Variants in RP1 observed in about 807,000 individuals in gnomAD.
The protein encoded by RP1 is oxygen-regulated protein 1.
Under a neutral mutation model 14.8 loss-of-function variants are expected in RP1, and 16 were observed. The ratio of observed to expected loss-of-function variants is 1.08; its 90% CI spans 0.73 to 1.65. The LOEUF (loss-of-function observed/expected upper bound fraction) is 1.65, where lower values mean the gene tolerates loss of function less well. Among genes scored for constraint, RP1 ranks in the 40% most tolerant of loss-of-function variants. The pLI, the probability that RP1 is intolerant of heterozygous loss-of-function variation, is 0.00. For synonymous variants in RP1, 876 were observed against 883.6 expected (o/e 0.99, Z 0.15); for missense variants, 2,631 against 2,535.0 (o/e 1.04, Z -0.81).
intron 24 of RP1, among the ~76,000 whole-genome samples, chr8:54,795,043 C>G (rs1042485430): frequency 6.6e-6 from 1 of 151,884 alleles, no homozygotes; most frequent in Non-Finnish European, 1.5e-5. Context: ...CAATGAGATA[C>G]CACATCTAAC....
chr8:54,844,866 C>T (rs1050398134), intron 25 of RP1, among the ~76,000 whole-genome samples: 6 of 152,074 alleles, frequency 3.9e-5, no homozygotes, highest in Non-Finnish European at 7.4e-5. Context: ...GAATGAATGG[C>T]GCCACTGGGT....
intron 25 of RP1, among the ~76,000 whole-genome samples, chr8:54,842,529 G>A (rs576215840): frequency 6.6e-6 from 1 of 152,206 alleles, no homozygotes; most frequent in Admixed American, 6.5e-5. Flanking sequence ...TCACAGAGGA[G>A]GCATTCACTA....
intron 25 of RP1, among the ~76,000 whole-genome samples, chr8:54,842,001 A>T (rs1456150282): frequency 6.6e-6 from 1 of 152,216 alleles, no homozygotes; most frequent in African/African-American, 2.4e-5. Context: ...ACTTCAAAAT[A>T]TTTGCATTTA....
At position 54,837,449 on chromosome 8, in the gene RP1, G is replaced by A. The variant is rs1253682212; in HGVS notation, c.3616-1G>A. 2 of 1,212,836 alleles carry A rather than the reference G, an allele frequency of 1.6e-6. No individual in the cohort carries two copies. The highest frequency in any genetic ancestry group is 3.1e-5 in the African/African-American group (2 of 63,982). The allele number at this position is 1,212,836 out of a possible 1,614,324, so 75.1% of individuals were successfully genotyped here. On this transcript the variant is annotated splice_acceptor_variant, in intron 24 of 28. Transcript: ENST00000637698. LOFTEE classifies it high-confidence loss of function. ...GTTCCCTTTTATCCTTTGTGTTGCA[G>A]ATTAATCTCAAAGATATTGGTGAAA...
chr8:54,679,433 G>A (rs914298959), exon 10 of RP1: 1 of 1,535,836 alleles, frequency 6.5e-7, no homozygotes, highest in South Asian at 1.2e-5. Context: ...GCTAGATCAG[G>A]GGGAAGATGA....
chr8:54,859,269 T>A (rs1812283606), intron 27 of RP1, among the ~76,000 whole-genome samples: 1 of 150,888 alleles, frequency 6.6e-6, no homozygotes, highest in Admixed American at 6.6e-5. Flanking sequence ...CAGAGTGATA[T>A]CACTATAGGT....
intron 24 of RP1, among the ~76,000 whole-genome samples, chr8:54,802,899 G>A (rs2129389648): frequency 6.6e-6 from 1 of 152,262 alleles, no homozygotes. Context: ...GTTGACTAGT[G>A]GACCTTTCAA....
intron 24 of RP1, among the ~76,000 whole-genome samples, chr8:54,826,432 T>A (rs187131594): frequency 8.7e-4 from 133 of 152,340 alleles, no homozygotes; most frequent in African/African-American, 3.0e-3. Context: ...ATTGAAATTG[T>A]TAGCTTTGCC....
At chr8:54,813,270 G>A (rs901741925) in intron 24 of RP1, among the ~76,000 whole-genome samples, 16 of 152,198 alleles carry the variant, frequency 1.1e-4, no homozygotes, top group African/African-American at 3.6e-4. Flanking sequence ...CAGCAAGTTA[G>A]CATGCTAGGG....
chr8:54,842,783 C>T (rs1811817002), intron 25 of RP1, among the ~76,000 whole-genome samples: 1 of 152,084 alleles, frequency 6.6e-6, no homozygotes, highest in African/African-American at 2.4e-5. Context: ...TACTTGTGTC[C>T]CGCCACCACC....
downstream of RP1, among the ~76,000 whole-genome samples, chr8:54,774,130 TC>T (rs769812998): frequency 1.3e-5 from 2 of 152,338 alleles, no homozygotes; most frequent in Non-Finnish European, 2.9e-5. Flanking sequence ...TGCCTTTTAC[TC>T]CGATCATTCA....
At chr8:54,789,180 C>A (rs1264581513) in intron 24 of RP1, among the ~76,000 whole-genome samples, 1 of 152,212 alleles carries the variant, frequency 6.6e-6, no homozygotes, top group Non-Finnish European at 1.5e-5. Flanking sequence ...GGCGATAGCA[C>A]TGCATCCCTG....
intron 24 of RP1, among the ~76,000 whole-genome samples, chr8:54,784,961 T>C (rs1257450646): frequency 6.6e-6 from 1 of 152,068 alleles, no homozygotes; most frequent in African/African-American, 2.4e-5. Context: ...AATTGACACA[T>C]AATTGTATAT....
At chr8:54,650,044 A>G (rs953936144) in intron 4 of RP1, among the ~76,000 whole-genome samples, 2 of 152,206 alleles carry the variant, frequency 1.3e-5, no homozygotes, top group African/African-American at 4.8e-5. Flanking sequence ...TTGTTGTTTT[A>G]CTATTTTAGT....
intron 3 of RP1, among the ~76,000 whole-genome samples, chr8:54,637,842 T>C (rs1806380440): frequency 6.6e-6 from 1 of 152,236 alleles, no homozygotes; most frequent in Non-Finnish European, 1.5e-5. Context: ...CTACCATTTA[T>C]TACTGAACTC....
intron 15 of RP1, among the ~76,000 whole-genome samples, chr8:54,719,637 C>T (rs1808487837): frequency 6.6e-6 from 1 of 152,100 alleles, no homozygotes; most frequent in Non-Finnish European, 1.5e-5. Context: ...TGAATATTTT[C>T]CTCTACAGTC....
intron 16 of RP1, among the ~76,000 whole-genome samples, chr8:54,721,311 G>T (rs1268188492): frequency 6.6e-6 from 1 of 152,172 alleles, no homozygotes; most frequent in Non-Finnish European, 1.5e-5. Context: ...GTGGCATTCT[G>T]CCTTGACACA....
Position 54,564,084 on chromosome 8 carries a change from C to G in RP1, c.-13+4764C>G, listed in dbSNP as rs1190250856. On this transcript the variant is annotated intron_variant, in intron 1 of 22. Coordinates refer to the RP1 transcript ENST00000636932. Reference sequence around the variant, plus strand: ...TCCTCTGGGTGGCACTTGGCAGCCTCCATCTCTGTCCTGGTATTCATGATC... The same window carrying G: ...TCCTCTGGGTGGCACTTGGCAGCCTGCATCTCTGTCCTGGTATTCATGATC... 2.0e-5 allele frequency among the ~76,000 whole-genome samples: 3 copies of G among 152,134 alleles called. No individual in the cohort carries two copies. In the East Asian group the frequency reaches 5.8e-4, roughly 29 times the overall value.
At chr8:54,858,672 C>G (rs1812263636) in intron 27 of RP1, among the ~76,000 whole-genome samples, 1 of 150,062 alleles carries the variant, frequency 6.7e-6, no homozygotes, top group Non-Finnish European at 1.5e-5. Context: ...CACTGTGGAG[C>G]AGTGTCACTG....
Sources: gnomAD v4.1 joint callset for allele counts (sites outside exome capture counted in the v4.1 genomes callset) on GRCh38, gnomAD v4.1.1 for gene constraint, MANE v1.5 for transcripts, NCBI Gene and HGNC (gene_info 2026-07-23, HGNC 2026-07-21) for gene names.